The following KIF3B variants were observed in gnomAD, a reference collection of about 807,000 sequenced individuals.
KIF3B encodes the protein kinesin family member 3B, also known as kinesin-like protein KIF3B.
A neutral mutation model predicts 74.3 loss-of-function variants in KIF3B; 38 were observed. That is an observed-to-expected ratio of 0.51 (90% confidence interval 0.39 to 0.67). The LOEUF is 0.67. KIF3B is among the 30% of genes least tolerant of loss of function. The probability of loss-of-function intolerance (pLI) is 0.00; values close to 1 mark genes in which losing one functional copy is unlikely to be tolerated. For synonymous variants in KIF3B, 326 were observed against 342.5 expected, an observed-to-expected ratio of 0.95 and a Z score of 0.53; for missense variants, 649 against 932.0, an observed-to-expected ratio of 0.70 and a Z score of 3.95.
intron 1 of KIF3B, among the ~76,000 whole-genome samples, chr20:32,301,147 G>A (rs2047742105): frequency 6.8e-6 from 1 of 148,060 alleles, no homozygotes; most frequent in South Asian, 2.2e-4. Flanking sequence ...GAGTGCAGTG[G>A]CGCAATCTCG....
chr20:32,307,128 C>T (rs1256177027), intron 1 of KIF3B, among the ~76,000 whole-genome samples: 1 of 152,112 alleles, frequency 6.6e-6, no homozygotes, highest in Non-Finnish European at 1.5e-5. Context: ...TTCTCACATA[C>T]CTCTGCCTCC....
rs150801116 is a variant in KIF3B, at chr20:32,299,608, C to T, written c.-65-10105C>T. Among the ~76,000 whole-genome samples, 1,028 of 150,988 alleles carry T rather than the reference C, an allele frequency of 6.8e-3. 12 individuals are homozygous for T. Among genetic ancestry groups the T allele is most frequent in the African/African-American group, 0.023 (944 of 41,080 alleles). On this transcript the variant is annotated intron_variant, in intron 1 of 8. Coordinates refer to ENST00000375712, the MANE Select transcript of KIF3B (RefSeq NM_004798.4). Reference sequence around the variant, plus strand: ...GTATTTTTTAGTAGAGAGAGGGTTTCGCCATGTTGGCCAGGGTGGTTTCAA... The same window carrying T: ...GTATTTTTTAGTAGAGAGAGGGTTTTGCCATGTTGGCCAGGGTGGTTTCAA...
At chr20:32,291,546 T>A (rs2047691285) in intron 1 of KIF3B, among the ~76,000 whole-genome samples, 1 of 152,152 alleles carries the variant, frequency 6.6e-6, no homozygotes, top group Non-Finnish European at 1.5e-5. Context: ...TAATAACATT[T>A]TTTTACACGT....
chr20:32,300,810 A>T (rs1306120886), intron 1 of KIF3B, among the ~76,000 whole-genome samples: 1 of 151,234 alleles, frequency 6.6e-6, no homozygotes, highest in South Asian at 2.1e-4. Flanking sequence ...TAGGATATAC[A>T]TAGATAGAGA....
intron 1 of KIF3B, among the ~76,000 whole-genome samples, chr20:32,301,192 A>G (rs192818011): frequency 1.7e-4 from 25 of 149,668 alleles, no homozygotes; most frequent in Admixed American, 1.1e-3. Flanking sequence ...GATTCAAGCA[A>G]TTCTCCCGCC....
intron 1 of KIF3B, among the ~76,000 whole-genome samples, chr20:32,288,171 G>A (rs910846681): frequency 4.6e-5 from 7 of 151,244 alleles, no homozygotes; most frequent in East Asian, 2.0e-4. Flanking sequence ...GTGAGCCACC[G>A]TGCCTGGCCT....
At chr20:32,318,359 A>G (rs2047839030) in intron 5 of KIF3B, among the ~76,000 whole-genome samples, 1 of 152,044 alleles carries the variant, frequency 6.6e-6, no homozygotes, top group Non-Finnish European at 1.5e-5. Flanking sequence ...TTTTAAAAGC[A>G]TATATATGCA....
intron 1 of KIF3B, among the ~76,000 whole-genome samples, chr20:32,299,379 G>GTGTGTATATATATATATATATATATA (rs1187264463): frequency 1.3e-4 from 3 of 23,096 alleles, no homozygotes; most frequent in Non-Finnish European, 2.1e-4. Flanking sequence ...TGGTGTGTGT[G>GTGTGTATATATATATATATATATATA]TATATATATA....
chr20:32,322,947 TATTTATATATATAC>T, intron 5 of KIF3B, among the ~76,000 whole-genome samples: 1 of 52,008 alleles, frequency 1.9e-5, no homozygotes, highest in Admixed American at 3.6e-4. Context: ...TATATATACA[TATTTATATATATAC>T]ATATTTATAT....
At chr20:32,294,524 C>T (rs1372072434) in intron 1 of KIF3B, among the ~76,000 whole-genome samples, 1 of 152,170 alleles carries the variant, frequency 6.6e-6, no homozygotes, top group Non-Finnish European at 1.5e-5. Context: ...GCAGGCGCAC[C>T]ACCCTAGAGG....
At position 32,316,882 on chromosome 20, in the gene KIF3B, C is replaced by T; in HGVS notation, c.1748+8C>T. 2.5e-6 allele frequency: 4 copies of T among 1,581,868 alleles called. No homozygotes were observed. Among genetic ancestry groups the T allele is most frequent in the Non-Finnish European group, 3.5e-6 (4 of 1,151,066 alleles). ...CAGGGAGCTGAAACTCAAGTAAGTGCCAGGCCTTCCATAGTGCCCCCAAGC... is the reference window on the plus strand; with the variant it reads ...CAGGGAGCTGAAACTCAAGTAAGTGTCAGGCCTTCCATAGTGCCCCCAAGC... On this transcript the variant is annotated splice_region_variant and intron_variant, in intron 5 of 8. Transcript: ENST00000375712.
chr20:32,311,092 A>T lies in KIF3B; in HGVS notation c.1315A>T (p.Lys439Ter). The T allele has an allele frequency of 6.2e-7, 1 of 1,613,754 alleles. No individual in the cohort carries two copies. Among genetic ancestry groups the T allele is most frequent in the Non-Finnish European group, 8.5e-7 (1 of 1,179,944 alleles). ...VEDHSLVAEE[K>*]MRLLKEKEKK... ...GGATCACAGCTTGGTTGCAGAGGAG[A>T]AGATGAGGCTGCTGAAGGAGAAAGA... is the stretch of plus-strand genomic sequence containing the variant. The change falls in exon 2 of 9, where the codon AAG (lysine) becomes TAG (stop). Residue 439 changes from lysine (K) to a stop codon, truncating the protein, a stop_gained. Transcript: ENST00000375712. LOFTEE classifies it high-confidence loss of function.
intron 1 of KIF3B, among the ~76,000 whole-genome samples, chr20:32,308,491 AC>A (rs2047783402): frequency 6.6e-6 from 1 of 152,094 alleles, no homozygotes; most frequent in Admixed American, 6.5e-5. Flanking sequence ...GCTCTCTGCA[AC>A]TTCTGCCTCC....
rs1569183460 is a variant in KIF3B at position 32,277,777 on chromosome 20, G to A, written c.-66+12G>A. 8.6e-6 allele frequency: 2 copies of A among 231,692 alleles called. No individual in the cohort carries two copies. The highest frequency in any genetic ancestry group is 1.6e-3 in the Middle Eastern group (1 of 628). 14.4% of individuals were successfully genotyped at this position (231,692 alleles called of 1,614,324 possible). ...GGCTCGGGCCTCAGGTGAGTCGGAG[G>A]GGCCGGGCGCCCACCGAGCAGGGCT... is the stretch of plus-strand genomic sequence containing the variant. On this transcript the variant is annotated intron_variant, in intron 1 of 8. Coordinates refer to ENST00000375712, the MANE Select transcript of KIF3B (RefSeq NM_004798.4).
intron 5 of KIF3B, among the ~76,000 whole-genome samples, chr20:32,324,827 A>T (rs1166030538): frequency 6.6e-6 from 1 of 152,136 alleles, no homozygotes; most frequent in African/African-American, 2.4e-5. Flanking sequence ...TCAGGAGCTC[A>T]AGACCAGCCT....
At chr20:32,288,075 G>C (rs1184775147) in intron 1 of KIF3B, among the ~76,000 whole-genome samples, 1 of 151,614 alleles carries the variant, frequency 6.6e-6, no homozygotes, top group East Asian at 1.9e-4. Context: ...TAGAGATAGG[G>C]TTTCACCATG....
At chr20:32,318,251 G>C (rs528390891) in intron 5 of KIF3B, among the ~76,000 whole-genome samples, 6 of 150,828 alleles carry the variant, frequency 4.0e-5, no homozygotes, top group African/African-American at 1.5e-4. Flanking sequence ...GCAGTGAGCT[G>C]AGATCACACC....
rs554555996 is a variant in KIF3B at position 32,305,939 on chromosome 20, A to G, written c.-65-3774A>G. ...ATTTATTGATTGATTTTGTATTTTTAGTAGACCATGGTGGCAGGTGCCTGT... is the reference window on the plus strand; with the variant it reads ...ATTTATTGATTGATTTTGTATTTTTGGTAGACCATGGTGGCAGGTGCCTGT... On this transcript the variant is annotated intron_variant, in intron 1 of 8. Transcript: ENST00000375712. Among the ~76,000 whole-genome samples the G allele has an allele frequency of 6.6e-5, 10 of 151,558 alleles. No homozygotes were observed. In the East Asian group the frequency reaches 1.8e-3, roughly 27 times the overall value.
chr20:32,325,653 CTCTTTTTTTT>C (rs1211642090), intron 5 of KIF3B, among the ~76,000 whole-genome samples: 13 of 90,276 alleles, frequency 1.4e-4, no homozygotes, highest in East Asian at 6.5e-4. Flanking sequence ...CTCTCTCTCT[CTCTTTTTTTT>C]TTTTTTTTTT....
Sources: gnomAD v4.1 joint callset for allele counts (sites outside exome capture counted in the v4.1 genomes callset) on GRCh38, gnomAD v4.1.1 for gene constraint, MANE v1.5 for transcripts, NCBI Gene and HGNC (gene_info 2026-07-23, HGNC 2026-07-21) for gene names.